IGSF9B: variants seen among roughly 807,000 people sequenced by gnomAD.
IGSF9B encodes the protein protein turtle homolog B.
Under a neutral mutation model 143.7 loss-of-function variants are expected in IGSF9B, and 48 were observed. That is an observed-to-expected ratio of 0.33 (90% CI 0.26 to 0.42). The LOEUF is 0.42. IGSF9B is among the 20% of genes least tolerant of loss of function. The pLI is 1.00. For synonymous variants in IGSF9B, 903 were observed against 833.1 expected, an observed-to-expected ratio of 1.08 and a Z score of -1.44; for missense variants, 1,706 against 1,980.0, an observed-to-expected ratio of 0.86 and a Z score of 2.63.
chr11:133,941,645 T>G (rs1453071987), intron 3 of IGSF9B, among the ~76,000 whole-genome samples: 1 of 152,158 alleles, frequency 6.6e-6, no homozygotes, highest in Non-Finnish European at 1.5e-5. Flanking sequence ...CGCAGGTAGG[T>G]GCCTTGATTA....
Position 133,902,351 on chromosome 11 carries a change from CACA to C in IGSF9B, c.*6715_*6717del, listed in dbSNP as rs556885296. Among the ~76,000 whole-genome samples, 33 of 148,920 alleles carry C rather than the reference CACA, an allele frequency of 2.2e-4. No homozygotes were observed. The East Asian group carries it at 6.3e-3, about 28-fold the overall frequency. The stretch of plus-strand genomic sequence containing the variant: ...ATACCACACACACCCCACACACATA[CACA>C]ACCACACAATAGACACACCACACAC... On this transcript the variant is annotated 3_prime_UTR_variant, in exon 20 of 20. Transcript: ENST00000533871.
rs558223954 is a variant in IGSF9B at position 133,909,369 on chromosome 11, G to C, written c.4106-92C>G. On this transcript the variant is annotated intron_variant, in intron 19 of 19. Transcript: ENST00000533871. The surrounding 1 kb of genome is among the most constrained non-coding windows in gnomAD (Gnocchi z 4.2). The stretch of plus-strand genomic sequence containing the variant: ...CACCTTTTCCACCTGCATTTGTTCC[G>C]GGTTTCTAATGTTGAAACAAAGGAA... The C allele has an allele frequency of 2.9e-6, 3 of 1,045,046 alleles. No homozygotes were observed. The highest frequency in any genetic ancestry group is 1.4e-5 in the South Asian group (1 of 70,246). 64.7% of individuals were successfully genotyped at this position (1,045,046 alleles called of 1,614,324 possible). A position where few individuals can be genotyped will look rare whatever the true frequency, so the allele number is the denominator to read the frequency against.
intron 15 of IGSF9B, among the ~76,000 whole-genome samples, chr11:133,924,488 CCGA>C (rs1337478990): frequency 6.6e-6 from 1 of 152,142 alleles, no homozygotes; most frequent in Non-Finnish European, 1.5e-5. Context: ...CAGCCCCTCC[CCGA>C]CAAGAGGAAA....
In IGSF9B at chr11:133,897,383, C is replaced by G. The variant is rs1252597617; in HGVS notation, c.*11686G>C. On this transcript the variant is annotated 3_prime_UTR_variant, in exon 20 of 20. Transcript: ENST00000533871. ...ACACACGCACACGCACACACACGCA[C>G]AGGTATGCACACATATATATGCAGG... 1 of 151,314 alleles carries G rather than the reference C, an allele frequency of 6.6e-6. No homozygotes were observed. Among genetic ancestry groups the G allele is most frequent in the African/African-American group, 2.4e-5 (1 of 41,370 alleles). 9.4% of individuals were successfully genotyped at this position (151,314 alleles called of 1,614,324 possible). A position where few individuals can be genotyped will look rare whatever the true frequency, so the allele number is the denominator to read the frequency against.
chr11:133,933,835 G>A (rs1048983198), intron 7 of IGSF9B, among the ~76,000 whole-genome samples: 16 of 152,166 alleles, frequency 1.1e-4, no homozygotes, highest in Non-Finnish European at 1.8e-4. Context: ...TGAGGGCTAC[G>A]GAGGAGAAGG....
At chr11:133,949,254 G>A (rs1449183985) in intron 1 of IGSF9B, among the ~76,000 whole-genome samples, 1 of 152,066 alleles carries the variant, frequency 6.6e-6, no homozygotes, top group Non-Finnish European at 1.5e-5. Context: ...CTCCACCCTC[G>A]CTCCAAGCCC....
In IGSF9B at chr11:133,911,965, C is replaced by G; in HGVS notation, c.4026G>C (p.Arg1342Ser). ...PAPGNAAAPE[R>S]LEALKYQRIK... The stretch of plus-strand genomic sequence containing the variant: ...TCCGTTGGTATTTCAGAGCCTCCAG[C>G]CTCTCAGGCGCAGCAGCGTTCCCGG... Residue 1342 changes from arginine to serine, a missense_variant, in exon 19 of 20, where the codon AGG (arginine) becomes AGC (serine). Physicochemically the swap from Arg to Ser is moderately radical, Grantham distance 110. Coordinates refer to ENST00000533871, the MANE Select transcript of IGSF9B (RefSeq NM_001277285.4). The G allele has an allele frequency of 6.5e-7, 1 of 1,534,836 alleles. No individual in the cohort carries two copies.
At chr11:133,916,163 T>A (rs1939378045) in intron 18 of IGSF9B, among the ~76,000 whole-genome samples, 1 of 151,876 alleles carries the variant, frequency 6.6e-6, no homozygotes, top group Non-Finnish European at 1.5e-5. Context: ...ATCACTAGGC[T>A]CAGACAGGAG....
rs957232426 is a variant in IGSF9B at position 133,907,373 on chromosome 11, C to A, written c.*1696G>T. Among the ~76,000 whole-genome samples, 2 of 152,246 alleles carry A rather than the reference C, an allele frequency of 1.3e-5. No homozygotes were observed. Among genetic ancestry groups the A allele is most frequent in the Admixed American group, 1.3e-4 (2 of 15,292 alleles). On this transcript the variant is annotated 3_prime_UTR_variant, in exon 20 of 20. Transcript: ENST00000533871. ...CAAGCCCATGGCAGCTGCATGAGAC[C>A]AGCAGAAGCCATCCAATGCTGCCGT...
chr11:133,933,074 C>T (rs1394000531), intron 7 of IGSF9B, among the ~76,000 whole-genome samples: 1 of 152,162 alleles, frequency 6.6e-6, no homozygotes, highest in African/African-American at 2.4e-5. Flanking sequence ...CCGGAGGCAG[C>T]CCATGCACCA....
At position 133,907,633 on chromosome 11, in the gene IGSF9B, A is replaced by G. The variant is rs1039873821; in HGVS notation, c.*1436T>C. On this transcript the variant is annotated 3_prime_UTR_variant, in exon 20 of 20. Coordinates refer to ENST00000533871, the MANE Select transcript of IGSF9B (RefSeq NM_001277285.4). ...GGCAGAGAGACATCTTAGTGGGAAG[A>G]TGATCTCAGGAAGCTTCTGGATGCT... Among the ~76,000 whole-genome samples the G allele has an allele frequency of 1.3e-5, 2 of 152,202 alleles. No homozygotes were observed. Among genetic ancestry groups the G allele is most frequent in the African/African-American group, 4.8e-5 (2 of 41,464 alleles).
At chr11:133,934,135 G>C (rs1243583634) in intron 7 of IGSF9B, among the ~76,000 whole-genome samples, 1 of 152,208 alleles carries the variant, frequency 6.6e-6, no homozygotes, top group Non-Finnish European at 1.5e-5. Flanking sequence ...AGGTAAAAAA[G>C]GACAAGGGGG....
At chr11:133,954,994 AAAG>A (rs1940223627) in intron 1 of IGSF9B, among the ~76,000 whole-genome samples, 1 of 152,362 alleles carries the variant, frequency 6.6e-6, no homozygotes, top group South Asian at 2.1e-4. Context: ...TGAAACTTGC[AAAG>A]AAGTCCATTG....
At chr11:133,929,901 G>C (rs577426580) in intron 11 of IGSF9B, 119 bp from the exon 12 acceptor site, 1 of 655,500 alleles carries the variant, frequency 1.5e-6, no homozygotes, top group African/African-American at 1.8e-5. Flanking sequence ...GCACAATACT[G>C]CAAGTGAAGG....
At position 133,953,291 on chromosome 11, in the gene IGSF9B, A is replaced by G. The variant is rs1940195995; in HGVS notation, c.64+3400T>C. ...CCAGGACCAGCACATGCAGGGCCAC[A>G]GGCCCGCGGCTGAAAGCTGATTGCC... On this transcript the variant is annotated intron_variant, in intron 1 of 19. Transcript: ENST00000533871. This position sits in a 1 kb window ranked among gnomAD's most constrained non-coding sequence, Gnocchi z 4.2. Among the ~76,000 whole-genome samples, 1 of 152,224 alleles carries G rather than the reference A, an allele frequency of 6.6e-6. No homozygotes were observed. Among genetic ancestry groups the G allele is most frequent in the African/African-American group, 2.4e-5 (1 of 41,470 alleles).
chr11:133,912,238 G>A (rs1939312151), intron 18 of IGSF9B: 4 of 670,760 alleles, frequency 6.0e-6, no homozygotes, highest in Non-Finnish European at 1.1e-5. Flanking sequence ...AAACCAACCT[G>A]CAGAGCAATC....
intron 18 of IGSF9B, chr11:133,919,001 G>T (rs373119596): frequency 1.0e-5 from 5 of 481,710 alleles, no homozygotes; most frequent in African/African-American, 9.9e-5. Flanking sequence ...AAGAGGCACA[G>T]GCAGGCGTCC....
At chr11:133,918,976 GA>G (rs1939450434) in intron 18 of IGSF9B, 1 of 473,348 alleles carries the variant, frequency 2.1e-6, no homozygotes, top group African/African-American at 2.0e-5. Context: ...CGGCAGGGAA[GA>G]AGGATGAGAG....
At position 133,935,912 on chromosome 11, in the gene IGSF9B, T is replaced by C. The variant is rs941323880; in HGVS notation, c.821+141A>G. On this transcript the variant is annotated intron_variant, in intron 6 of 19. Coordinates refer to ENST00000533871, the MANE Select transcript of IGSF9B (RefSeq NM_001277285.4). ...CTCCATGCAGACCCTGGCCTTGGCATGTGAGACACACGGACCAGACTGCCC... is the reference window on the plus strand; with the variant it reads ...CTCCATGCAGACCCTGGCCTTGGCACGTGAGACACACGGACCAGACTGCCC... The C allele has an allele frequency of 9.4e-6, 13 of 1,383,504 alleles. No individual in the cohort carries two copies. The African/African-American group carries it at 1.4e-4, about 15-fold the overall frequency. The allele number at this position is 1,383,504 out of a possible 1,614,324, so 85.7% of individuals were successfully genotyped here. A position where few individuals can be genotyped will look rare whatever the true frequency, so the allele number is the denominator to read the frequency against.
Sources: gnomAD v4.1 joint callset for allele counts (sites outside exome capture counted in the v4.1 genomes callset) on GRCh38, gnomAD v4.1.1 for gene constraint, Gnocchi (gnomAD v3.1) non-coding constraint, MANE v1.5 for transcripts, NCBI Gene and HGNC (gene_info 2026-07-23, HGNC 2026-07-21) for gene names.